CASK: variants seen among roughly 807,000 people sequenced by gnomAD.
CASK encodes calcium/calmodulin dependent serine protein kinase.
A neutral mutation model predicts 82.9 loss-of-function variants in CASK; 4 were observed. The ratio of observed to expected loss-of-function variants is 0.05; its 90% CI spans 0.02 to 0.11. The LOEUF (loss-of-function observed/expected upper bound fraction) is 0.11, where lower values mean the gene tolerates loss of function less well. Ranked by LOEUF, CASK falls within the 10% of genes least tolerant of loss-of-function variation. The pLI, the probability that CASK is intolerant of heterozygous loss-of-function variation, is 1.00. For missense variants in CASK, 358 were observed against 720.9 expected (o/e 0.50, Z 5.76); for synonymous variants, 259 against 253.5 (o/e 1.02, Z -0.20).
intron 2 of CASK, among the ~76,000 whole-genome samples, chrX:41,814,690 T>G (rs924176468): frequency 4.2e-4 from 46 of 109,639 alleles, no homozygotes; most frequent in Admixed American, 3.0e-3. Context: ...TGTATACATA[T>G]GTTACAAACC....
At chrX:41,764,813 A>AACAACCTT (rs2069079455) in intron 3 of CASK, among the ~76,000 whole-genome samples, 1 of 111,785 alleles carries the variant, frequency 8.9e-6, no homozygotes, top group Admixed American at 9.5e-5. Context: ...GCCAAAAAAA[A>AACAACCTT]ACAACCTTTA....
chrX:41,630,569 T>C (rs953856602), intron 9 of CASK, among the ~76,000 whole-genome samples: 1 of 111,365 alleles, frequency 9.0e-6, no homozygotes, highest in Admixed American at 9.6e-5. Flanking sequence ...GGCAGGAGGG[T>C]ACATTTTAAA....
At chrX:41,727,446 C>A (rs745655002) in intron 5 of CASK, 1 of 1,207,261 alleles carries the variant, frequency 8.3e-7, no homozygotes, top group Non-Finnish European at 1.1e-6. Flanking sequence ...TATTTTATGG[C>A]CATTTACTGA....
In CASK at chrX:41,772,728, G is replaced by C. The variant is rs111858753; in HGVS notation, c.278+14450C>G. Among the ~76,000 whole-genome samples, 945 of 111,656 alleles carry C rather than the reference G, an allele frequency of 8.5e-3. 7 individuals carry two copies. Among genetic ancestry groups the C allele is most frequent in the African/African-American group, 0.03 (914 of 30,697 alleles). On this transcript the variant is annotated intron_variant, in intron 3 of 26. Transcript: ENST00000378163. ...AAAGAGAACAATAGAGGCCAGGTGT[G>C]GTGGCTCACACCTGTAGTCCCAGCA...
chrX:41,774,128 T>C (rs1602602351), intron 3 of CASK, among the ~76,000 whole-genome samples: 3 of 111,304 alleles, frequency 2.7e-5, no homozygotes, highest in East Asian at 5.6e-4. Flanking sequence ...GGGTATTCAA[T>C]TAGGAAAAGA....
intron 2 of CASK, among the ~76,000 whole-genome samples, chrX:41,825,795 A>C (rs918437388): frequency 8.9e-5 from 10 of 112,401 alleles, no homozygotes; most frequent in African/African-American, 2.3e-4. Flanking sequence ...CTGTTTCCTT[A>C]TATTATTATT....
intron 15 of CASK, among the ~76,000 whole-genome samples, chrX:41,569,988 ATTTTC>A (rs1176936000): frequency 6.4e-4 from 52 of 80,886 alleles, no homozygotes; most frequent in African/African-American, 1.9e-3. Flanking sequence ...TTAACACACT[ATTTTC>A]TTTTCTTTTC....
intron 11 of CASK, among the ~76,000 whole-genome samples, chrX:41,613,657 A>G (rs62587033): frequency 0.11 from 12,042 of 107,812 alleles, 724 homozygotes; most frequent in Middle Eastern, 0.16. Context: ...AAAGAATTCA[A>G]GAAAGCAGAA....
chrX:41,809,311 C>G (rs1042041382), intron 2 of CASK, among the ~76,000 whole-genome samples: 6 of 112,294 alleles, frequency 5.3e-5, no homozygotes, highest in Admixed American at 9.4e-5. Flanking sequence ...TCCCTGACCC[C>G]CAAGTAGCCT....
intron 2 of CASK, among the ~76,000 whole-genome samples, chrX:41,850,762 T>C (rs1315075290): frequency 8.9e-6 from 1 of 111,803 alleles, no homozygotes; most frequent in Non-Finnish European, 1.9e-5. Flanking sequence ...AGTTAAGATG[T>C]GTTGCCCATA....
intron 3 of CASK, among the ~76,000 whole-genome samples, chrX:41,747,657 A>G (rs138728098): frequency 0.039 from 4,357 of 111,556 alleles, 221 homozygotes; most frequent in African/African-American, 0.14. Context: ...TAGCCAGGAT[A>G]GTCTCGATCT....
At chrX:41,898,489 G>C (rs766916116) in intron 1 of CASK, among the ~76,000 whole-genome samples, 1 of 110,984 alleles carries the variant, frequency 9.0e-6, no homozygotes, top group Non-Finnish European at 1.9e-5. Context: ...CTCGAGCTTA[G>C]TTTGTTCTTT....
At chrX:41,646,068 A>G (rs2066752987) in intron 8 of CASK, among the ~76,000 whole-genome samples, 1 of 111,460 alleles carries the variant, frequency 9.0e-6, no homozygotes, top group South Asian at 3.8e-4. Flanking sequence ...ACATGCACCT[A>G]GTTGCATCCA....
intron 3 of CASK, among the ~76,000 whole-genome samples, chrX:41,762,932 A>C (rs760495111): frequency 2.7e-5 from 3 of 111,057 alleles, no homozygotes; most frequent in Admixed American, 9.6e-5. Context: ...TCCCATCTAA[A>C]GCCCCAGCCC....
intron 6 of CASK, among the ~76,000 whole-genome samples, chrX:41,667,874 G>A (rs2067141117): frequency 8.9e-6 from 1 of 111,815 alleles, no homozygotes; most frequent in South Asian, 3.7e-4. Flanking sequence ...GCACCCTCAG[G>A]AACTTCAGAG....
At chrX:41,767,981 C>T (rs1379162918) in intron 3 of CASK, among the ~76,000 whole-genome samples, 1 of 111,858 alleles carries the variant, frequency 8.9e-6, no homozygotes, top group Non-Finnish European at 1.9e-5. Context: ...ATTATCTATA[C>T]CTAACACTTG....
At chrX:41,750,034 C>G (rs1385759374) in intron 3 of CASK, among the ~76,000 whole-genome samples, 1 of 110,647 alleles carries the variant, frequency 9.0e-6, no homozygotes, top group Non-Finnish European at 1.9e-5. Flanking sequence ...TCAAACAAAA[C>G]CACCTGTGCA....
intron 10 of CASK, among the ~76,000 whole-genome samples, chrX:41,625,147 A>G (rs1041379719): frequency 9.0e-6 from 1 of 110,763 alleles, no homozygotes. Flanking sequence ...AGCATTTTAT[A>G]AAATGGTTTT....
At chrX:41,662,701 G>A (rs927138484) in intron 7 of CASK, among the ~76,000 whole-genome samples, 1 of 110,779 alleles carries the variant, frequency 9.0e-6, no homozygotes, top group Non-Finnish European at 1.9e-5. Context: ...GCTGAGTCAC[G>A]AGAATCACCT....
Sources: gnomAD v4.1 joint callset for allele counts (sites outside exome capture counted in the v4.1 genomes callset) on GRCh38, gnomAD v4.1.1 for gene constraint, MANE v1.5 for transcripts, NCBI Gene and HGNC (gene_info 2026-07-23, HGNC 2026-07-21) for gene names.